The following SORBS2 variants were observed in gnomAD, a reference collection of about 807,000 sequenced individuals.
SORBS2 encodes the protein sorbin and SH3 domain-containing protein 2.
SORBS2 carries 46 observed loss-of-function variants against 97.7 expected under a neutral mutation model. The observed-to-expected ratio is 0.47, with a 90% CI of 0.37 to 0.60. The LOEUF (loss-of-function observed/expected upper bound fraction) is 0.60, where lower values mean the gene tolerates loss of function less well. SORBS2 is among the 20% of genes least tolerant of loss of function. The pLI is 0.00. For missense variants in SORBS2, 1,316 were observed against 1,282.3 expected (o/e 1.03, Z -0.40); for synonymous variants, 476 against 473.4 (o/e 1.01, Z -0.07).
intron 1 of SORBS2, among the ~76,000 whole-genome samples, chr4:185,890,622 G>A (rs1209263215): frequency 1.3e-5 from 2 of 152,174 alleles, no homozygotes; most frequent in Non-Finnish European, 2.9e-5. Flanking sequence ...TCCACTCAGT[G>A]GTCTCACCTC....
chr4:185,709,304 C>CTTTTTTTTTTTTTTTTTTTTTTTTTTTTT (rs70962587), intron 2 of SORBS2, among the ~76,000 whole-genome samples: 6 of 96,768 alleles, frequency 6.2e-5, no homozygotes, highest in African/African-American at 2.1e-4. Context: ...CTGGCCAAAT[C>CTTTTTTTTTTTTTTTTTTTTTTTTTTTTT]TTTTTTTTTT....
At chr4:185,624,045 G>A (rs754042154) in exon 7 of SORBS2, 9 of 1,614,022 alleles carry the variant, frequency 5.6e-6, no homozygotes, top group East Asian at 4.5e-5. Flanking sequence ...CGGTTGATGC[G>A]GTGCATTTTC....
chr4:185,750,475 C>T lies in SORBS2; in HGVS notation c.-198+24752G>A, dbSNP rs2098792278. Reference sequence around the variant, plus strand: ...CATCATAGGACCCATCAGAGTATAACAGCTAAGATTATTACACATGCTGTT... The same window carrying T: ...CATCATAGGACCCATCAGAGTATAATAGCTAAGATTATTACACATGCTGTT... On this transcript the variant is annotated intron_variant, in intron 2 of 20. Transcript: ENST00000284776. Among the ~76,000 whole-genome samples, 3 of 152,174 alleles carry T rather than the reference C, an allele frequency of 2.0e-5. No individual in the cohort carries two copies. In the South Asian group the frequency reaches 6.2e-4, roughly 32 times the overall value.
At chr4:185,941,822 T>C (rs2310368) in intron 1 of SORBS2, among the ~76,000 whole-genome samples, 117,231 of 152,154 alleles carry the variant, frequency 0.77, 47,980 homozygotes, top group East Asian at 0.94. Context: ...GTAAGAAAAG[T>C]AAGACTTGGA....
intron 1 of SORBS2, among the ~76,000 whole-genome samples, chr4:185,868,163 T>C (rs866575152): frequency 8.3e-6 from 1 of 119,896 alleles, no homozygotes; most frequent in African/African-American, 3.2e-5. Context: ...TTCTTTCTTT[T>C]TTTTTTTTTT....
intron 2 of SORBS2, among the ~76,000 whole-genome samples, chr4:185,679,836 C>T (rs1408175010): frequency 1.3e-5 from 2 of 152,154 alleles, no homozygotes; most frequent in Non-Finnish European, 2.9e-5. Flanking sequence ...CAGTTATTTT[C>T]AAGTTTAAAC....
chr4:185,889,713 A>T (rs1018551105), intron 1 of SORBS2, among the ~76,000 whole-genome samples: 2 of 151,770 alleles, frequency 1.3e-5, no homozygotes, highest in African/African-American at 4.8e-5. Flanking sequence ...TCCGCCTGAC[A>T]GTTTTACGCC....
chr4:185,648,669 A>G (rs1057389948), intron 3 of SORBS2, among the ~76,000 whole-genome samples: 4 of 152,200 alleles, frequency 2.6e-5, no homozygotes, highest in Non-Finnish European at 5.9e-5. Context: ...CTAGGATAGC[A>G]TAGGCCTTGG....
At chr4:185,715,400 T>C (rs1427721101) in intron 2 of SORBS2, among the ~76,000 whole-genome samples, 2 of 151,916 alleles carry the variant, frequency 1.3e-5, no homozygotes, top group Non-Finnish European at 2.9e-5. Context: ...AGAAAAGCCC[T>C]ATGAAAAGGC....
At chr4:185,856,767 T>C (rs1288360367) in intron 1 of SORBS2, among the ~76,000 whole-genome samples, 1 of 151,880 alleles carries the variant, frequency 6.6e-6, no homozygotes, top group East Asian at 1.9e-4. Context: ...AGGAAAGAGG[T>C]TTAAATTGAC....
rs569852019 is a variant in SORBS2 at position 185,936,752 on chromosome 4, AATTTACAGAAG to A, written c.-338+19433_-338+19443del. Among the ~76,000 whole-genome samples, 131 of 152,276 alleles carry A rather than the reference AATTTACAGAAG, an allele frequency of 8.6e-4. 3 individuals carry two copies. In the South Asian group the frequency reaches 0.026, roughly 31 times the overall value. The stretch of plus-strand genomic sequence containing the variant: ...TGGTCATCACGTTGATTAGAAATGC[AATTTACAGAAG>A]ATTTCCCTTTCCGTCTGCTTCTAAG... On this transcript the variant is annotated intron_variant, in intron 1 of 20. Transcript: ENST00000284776.
At chr4:185,740,658 C>T (rs1417539690) in intron 2 of SORBS2, among the ~76,000 whole-genome samples, 1 of 152,128 alleles carries the variant, frequency 6.6e-6, no homozygotes, top group African/African-American at 2.4e-5. Context: ...AATATTAACT[C>T]AGCCCAACAC....
At chr4:185,857,377 G>A (rs201027057) in intron 1 of SORBS2, among the ~76,000 whole-genome samples, 156 of 152,020 alleles carry the variant, frequency 1.0e-3, no homozygotes, top group African/African-American at 3.6e-3. Context: ...CATCATCTTC[G>A]TAAGCTGAGG....
At chr4:185,778,643 ACT>A (rs1044151692) in intron 1 of SORBS2, among the ~76,000 whole-genome samples, 2 of 152,156 alleles carry the variant, frequency 1.3e-5, no homozygotes, top group Non-Finnish European at 2.9e-5. Flanking sequence ...AGATTTAATG[ACT>A]CTGGATGTGA....
exon 7 of SORBS2, chr4:185,624,245 T>C: frequency 1.2e-6 from 2 of 1,614,222 alleles, no homozygotes; most frequent in Non-Finnish European, 1.7e-6. Flanking sequence ...GCTATCGCAG[T>C]CGTCGTTTAG....
intron 1 of SORBS2, among the ~76,000 whole-genome samples, chr4:185,832,491 A>T (rs1309728883): frequency 6.6e-6 from 1 of 152,230 alleles, no homozygotes; most frequent in African/African-American, 2.4e-5. Flanking sequence ...GATTTGTGTC[A>T]AATGAGAGTA....
intron 9 of SORBS2, among the ~76,000 whole-genome samples, chr4:185,617,273 G>A (rs777420923): frequency 6.6e-6 from 1 of 152,056 alleles, no homozygotes; most frequent in Non-Finnish European, 1.5e-5. Context: ...GTTAGGACCG[G>A]AGTACAGTAG....
chr4:185,862,226 G>A (rs961211584), intron 1 of SORBS2, among the ~76,000 whole-genome samples: 6 of 152,346 alleles, frequency 3.9e-5, no homozygotes, highest in African/African-American at 7.2e-5. Context: ...GTGTTGGGCC[G>A]TGACTACAGA....
chr4:185,901,314 T>G (rs2099247629), intron 1 of SORBS2, among the ~76,000 whole-genome samples: 1 of 152,154 alleles, frequency 6.6e-6, no homozygotes, highest in Non-Finnish European at 1.5e-5. Flanking sequence ...AGCGATCTCC[T>G]GCCTCAGCCT....
Sources: gnomAD v4.1 joint callset for allele counts (sites outside exome capture counted in the v4.1 genomes callset) on GRCh38, gnomAD v4.1.1 for gene constraint, MANE v1.5 for transcripts, NCBI Gene and HGNC (gene_info 2026-07-23, HGNC 2026-07-21) for gene names.